Variants in MADD observed in about 807,000 individuals in gnomAD.
MADD encodes MAP kinase-activating death domain protein.
Under a neutral mutation model 176.7 loss-of-function variants are expected in MADD, and 109 were observed. The ratio of observed to expected loss-of-function variants is 0.62; its 90% CI spans 0.53 to 0.72. The LOEUF (loss-of-function observed/expected upper bound fraction) is 0.72, where lower values mean the gene tolerates loss of function less well. MADD is among the 30% of genes least tolerant of loss of function. MADD has a pLI of 0.00. For synonymous variants in MADD, 771 were observed against 771.3 expected (o/e 1.00, Z 0.01); for missense variants, 1,914 against 2,045.5 (o/e 0.94, Z 1.24).
chr11:47,313,307 T>C (rs72903824), intron 26 of MADD, among the ~76,000 whole-genome samples: 225 of 152,198 alleles, frequency 1.5e-3, no homozygotes, highest in Non-Finnish European at 2.3e-3. Flanking sequence ...CACTATTTTC[T>C]TTCTTTTTTT....
At chr11:47,290,759 G>A in exon 19 of MADD, 3 of 1,613,998 alleles carry the variant, frequency 1.9e-6, no homozygotes, top group Non-Finnish European at 2.5e-6. Context: ...CACAGGAAAG[G>A]GTCCTAAGGA....
chr11:47,282,793 T>C lies in MADD; in HGVS notation c.1706-20T>C. 3.7e-6 allele frequency: 6 copies of C among 1,608,816 alleles called. No individual in the cohort carries two copies. Among genetic ancestry groups the C allele is most frequent in the Non-Finnish European group, 5.1e-6 (6 of 1,175,982 alleles). On this transcript the variant is annotated intron_variant, in intron 9 of 32. Coordinates refer to ENST00000402192, the Ensembl canonical transcript of MADD. ...TTTTTCCTTGCTGCTGACTTTCTGT[T>C]CTTTTCCCTCATGGGGTAGATATGT...
At chr11:47,299,159 T>A (rs936764961) in intron 22 of MADD, among the ~76,000 whole-genome samples, 1 of 152,190 alleles carries the variant, frequency 6.6e-6, no homozygotes, top group African/African-American at 2.4e-5. Flanking sequence ...TGGGGTCTTT[T>A]GTGGTTCCAT....
intron 30 of MADD, 88 bp downstream of exon 34, chr11:47,326,640 T>C (rs981869774): frequency 1.6e-5 from 25 of 1,534,236 alleles, no homozygotes; most frequent in Non-Finnish European, 2.2e-5. Flanking sequence ...GGAAATAGAC[T>C]TTCTTTGTGT....
At chr11:47,326,432 C>T (rs1412605732) in intron 30 of MADD, 112 bp from the exon 34 acceptor site, 2 of 804,238 alleles carry the variant, frequency 2.5e-6, no homozygotes, top group Non-Finnish European at 3.3e-6. Flanking sequence ...AAGCACTGCC[C>T]TGGGCAGAGG....
chr11:47,302,403 A>G (rs1228688978), intron 22 of MADD, among the ~76,000 whole-genome samples: 2 of 152,094 alleles, frequency 1.3e-5, no homozygotes, highest in Non-Finnish European at 2.9e-5. Flanking sequence ...TAGTAAAGAC[A>G]GGGTTTCACC....
intron 18 of MADD, 116 bp from the exon 20 acceptor site, chr11:47,290,494 C>G (rs3816724): frequency 0.099 from 125,500 of 1,272,882 alleles, 6,754 homozygotes; most frequent in South Asian, 0.11. Flanking sequence ...ATCAGCTCAT[C>G]TTTCCTTGAA....
intron 1 of MADD, chr11:47,270,528 C>G (rs1242137137): frequency 1.3e-5 from 2 of 149,852 alleles, no homozygotes; most frequent in African/African-American, 4.9e-5. Context: ...GGAGAACTGT[C>G]CAGCAGGTGA....
At chr11:47,269,585 C>T (rs1259413976), upstream of MADD, 1 of 152,158 alleles carries the variant, frequency 6.6e-6, no homozygotes, top group Admixed American at 6.5e-5. Flanking sequence ...TGGACTCCAT[C>T]TCCCAGCGGG....
intron 22 of MADD, among the ~76,000 whole-genome samples, chr11:47,307,581 A>G (rs376099896): frequency 2.6e-5 from 4 of 152,002 alleles, no homozygotes; most frequent in Non-Finnish European, 4.4e-5. Flanking sequence ...TTGCCTCTCT[A>G]CTTACTCTAT....
chr11:47,316,051 G>A (rs2092769470), intron 27 of MADD, among the ~76,000 whole-genome samples: 1 of 151,952 alleles, frequency 6.6e-6, no homozygotes, highest in South Asian at 2.1e-4. Context: ...GGCCAGGCTG[G>A]TCTTGAACTC....
chr11:47,294,716 A>T (rs928924206), intron 20 of MADD, among the ~76,000 whole-genome samples: 15 of 151,742 alleles, frequency 9.9e-5, no homozygotes, highest in African/African-American at 3.6e-4. Context: ...AAACAATATA[A>T]ATAACTAATG....
At chr11:47,310,133 C>T (rs142044430) in intron 25 of MADD, among the ~76,000 whole-genome samples, 3 of 151,650 alleles carry the variant, frequency 2.0e-5, no homozygotes, top group East Asian at 1.9e-4. Context: ...TGAGCCAGTG[C>T]GCCCGACCAA....
At chr11:47,327,382 G>C in intron 31 of MADD, 1 of 985,380 alleles carries the variant, frequency 1.0e-6, no homozygotes, top group Non-Finnish European at 1.2e-6. Flanking sequence ...AGTTCCTGCT[G>C]TGTTTGTGCT....
intron 27 of MADD, among the ~76,000 whole-genome samples, chr11:47,317,516 C>T (rs547628135): frequency 6.6e-6 from 1 of 152,256 alleles, no homozygotes; most frequent in East Asian, 1.9e-4. Flanking sequence ...TTTGTATTAG[C>T]GTGTTTCCTG....
exon 14 of MADD, chr11:47,285,518 C>A: frequency 6.2e-7 from 1 of 1,614,170 alleles, no homozygotes; most frequent in Non-Finnish European, 8.5e-7. Context: ...GTCAGACTCT[C>A]GGGCAAGCTC....
Position 47,328,339 on chromosome 11 carries a change from G to A in MADD, c.4613-319G>A, listed in dbSNP as rs1241962572. The A allele has an allele frequency of 1.3e-5, 17 of 1,280,672 alleles. No individual in the cohort carries two copies. In the East Asian group the frequency reaches 6.0e-4, roughly 45 times the overall value. 79.3% of individuals were successfully genotyped at this position (1,280,672 alleles called of 1,614,324 possible). ...TCCTCAGGGGCCCTGGACAGTAGCTGTGACCAGGCTGGTGAAAGGCCCGTC... is the reference window on the plus strand; with the variant it reads ...TCCTCAGGGGCCCTGGACAGTAGCTATGACCAGGCTGGTGAAAGGCCCGTC... On this transcript the variant is annotated intron_variant, in intron 31 of 32. Transcript: ENST00000402192.
chr11:47,274,869 T>C, exon 3 of MADD: 1 of 1,614,138 alleles, frequency 6.2e-7, no homozygotes. Context: ...AAGGAACCCA[T>C]GCCACCTGTG....
chr11:47,317,687 G>T (rs921264579), intron 27 of MADD, among the ~76,000 whole-genome samples: 8 of 152,116 alleles, frequency 5.3e-5, no homozygotes, highest in African/African-American at 1.9e-4. Context: ...TGGGCAACCT[G>T]ATCTGCCCAC....
Sources: gnomAD v4.1 joint callset for allele counts (sites outside exome capture counted in the v4.1 genomes callset) on GRCh38, gnomAD v4.1.1 for gene constraint, MANE v1.5 for transcripts, NCBI Gene and HGNC (gene_info 2026-07-23, HGNC 2026-07-21) for gene names.